TACR2: variants seen among roughly 807,000 people sequenced by gnomAD.
The protein encoded by TACR2 is substance-K receptor.
Under a neutral mutation model 28.9 loss-of-function variants are expected in TACR2, and 24 were observed. That is an observed-to-expected ratio of 0.83 (90% CI 0.60 to 1.17). TACR2 has a LOEUF of 1.17. TACR2 is among the 50% of genes most tolerant of loss of function. The pLI is 0.00. For synonymous variants in TACR2, 222 were observed against 212.6 expected, an observed-to-expected ratio of 1.04 and a Z score of -0.38; for missense variants, 487 against 524.4, an observed-to-expected ratio of 0.93 and a Z score of 0.70.
At chr10:69,406,150 G>A (rs1840500149) in intron 4 of TACR2, among the ~76,000 whole-genome samples, 1 of 152,218 alleles carries the variant, frequency 6.6e-6, no homozygotes. Context: ...ATTATGAGTA[G>A]CCTGGCTACC....
chr10:69,415,977 G>A lies in TACR2; in HGVS notation c.347C>T (p.Ala116Val), dbSNP rs1564583001. The A allele has an allele frequency of 6.2e-7, 1 of 1,614,228 alleles. No individual in the cohort carries two copies. The highest frequency in any genetic ancestry group is 1.6e-4 in the Middle Eastern group (1 of 6,062). The change falls in exon 1 of 5, where the codon GCC becomes GTC. Residue 116 changes from alanine (A) to valine (V), a missense_variant. Transcript: ENST00000373306. ...CYFQNLFPITAMFVSIYSMTA... is the reference protein window; with the variant it reads ...CYFQNLFPITVMFVSIYSMTA... ...CATGGAGTAGATGCTGACAAACATG[G>A]CTGTGATGGGGAAGAGGTTCTGGAA...
At position 69,416,243 on chromosome 10, in the gene TACR2, G is replaced by A; in HGVS notation, c.81C>T (p.Ser27=). The A allele has an allele frequency of 6.2e-7, 1 of 1,613,912 alleles. No homozygotes were observed. Among genetic ancestry groups the A allele is most frequent in the Non-Finnish European group, 8.5e-7 (1 of 1,179,862 alleles). ...ESNTTGITAF[S]MPSWQLALWA... is the part of the protein sequence containing the mutation. ...ACAGTGCCAGTTGCCAGCTGGGCATGGAGAAGGCTGTGATGCCCGTGGTGT... is the reference window on the plus strand; with the variant it reads ...ACAGTGCCAGTTGCCAGCTGGGCATAGAGAAGGCTGTGATGCCCGTGGTGT... The change falls in exon 1 of 5, where the codon TCC becomes TCT. Residue 27 remains serine (S), a synonymous_variant. Coordinates refer to ENST00000373306, the MANE Select transcript of TACR2 (RefSeq NM_001057.3).
In TACR2 at chr10:69,416,319, C is replaced by G. The variant is rs1483321863; in HGVS notation, c.5G>C (p.Gly2Ala). 6.3e-7 allele frequency: 1 copy of G among 1,583,800 alleles called. No homozygotes were observed. The highest frequency in any genetic ancestry group is 8.6e-7 in the Non-Finnish European group (1 of 1,161,242). The stretch of plus-strand genomic sequence containing the variant: ...GGCTTCAGTCACAATGTCACAGGTC[C>G]CCATGGCTGCTTCTGGGTCTGGAAC... Reference protein sequence around the residue: MGTCDIVTEANI... With the variant: MATCDIVTEANI... The change falls in exon 1 of 5, where the codon GGG becomes GCG. Residue 2 changes from glycine to alanine, a missense_variant. Gly to Ala is a moderately conservative substitution (Grantham distance 60). Transcript: ENST00000373306.
At chr10:69,411,352 G>A (rs116811933) in intron 2 of TACR2, among the ~76,000 whole-genome samples, 2,224 of 152,308 alleles carry the variant, frequency 0.015, 61 homozygotes, top group African/African-American at 0.051. Context: ...ATGCCTGGGT[G>A]TAGGCCGAGC....
rs773759681 is a variant in TACR2 at position 69,416,255 on chromosome 10, G to T, written c.69C>A (p.Ile23=). ...SSGPESNTTG[I]TAFSMPSWQL... is the part of the protein sequence containing the mutation. ...GCCAGCTGGGCATGGAGAAGGCTGT[G>T]ATGCCCGTGGTGTTGCTCTCAGGGC... Residue 23 remains isoleucine (I), a synonymous_variant, in exon 1 of 5, where the codon ATC becomes ATA. Transcript: ENST00000373306. 6.2e-7 allele frequency: 1 copy of T among 1,613,514 alleles called. No individual in the cohort carries two copies. The highest frequency in any genetic ancestry group is 1.1e-5 in the South Asian group (1 of 91,066).
intron 2 of TACR2, 131 bp downstream of exon 2, chr10:69,414,810 ACACT>A: frequency 1.1e-6 from 1 of 910,238 alleles, no homozygotes; most frequent in Non-Finnish European, 1.6e-6. Flanking sequence ...AATCCCGTGT[ACACT>A]CACTCATGTG....
At chr10:69,411,471 G>GACT (rs908074061) in intron 2 of TACR2, among the ~76,000 whole-genome samples, 1 of 152,074 alleles carries the variant, frequency 6.6e-6, no homozygotes, top group Non-Finnish European at 1.5e-5. Context: ...GCCTTTCCAG[G>GACT]ACTAACAACT....
Position 69,408,919 on chromosome 10 carries a change from C to T in TACR2, c.741+3G>A, listed in dbSNP as rs763485653. On this transcript the variant is annotated splice_donor_region_variant and intron_variant, in intron 3 of 4. Coordinates refer to ENST00000373306, the MANE Select transcript of TACR2 (RefSeq NM_001057.3). ...CCCTCCAGGCCCCCGCCCCCGCGCC[C>T]ACCTTCTTCATGGCCTGCAGGTGGC... 8.5e-6 allele frequency: 12 copies of T among 1,405,128 alleles called. No individual in the cohort carries two copies. The highest frequency in any genetic ancestry group is 1.1e-5 in the Non-Finnish European group (12 of 1,073,820). 87.0% of individuals were successfully genotyped at this position (1,405,128 alleles called of 1,614,324 possible).
chr10:69,415,288 T>C (rs1840604073), intron 1 of TACR2, 149 bp from the exon 2 acceptor site: 1 of 883,760 alleles, frequency 1.1e-6, no homozygotes, highest in Non-Finnish European at 1.7e-6. Context: ...TCAGCCGACC[T>C]GCAGAGAGCC....
intron 2 of TACR2, among the ~76,000 whole-genome samples, chr10:69,413,928 G>T (rs1161422360): frequency 6.6e-6 from 1 of 152,150 alleles, no homozygotes; most frequent in Non-Finnish European, 1.5e-5. Context: ...ACAGAGCGAG[G>T]TACTATTATG....
Position 69,414,963 on chromosome 10 carries a change from C to G in TACR2, c.569G>C (p.Gly190Ala). The G allele has an allele frequency of 6.2e-7, 1 of 1,612,542 alleles. No individual in the cohort carries two copies. Among genetic ancestry groups the G allele is most frequent in the Non-Finnish European group, 8.5e-7 (1 of 1,179,132 alleles). ...GCCTTACAGGAGGAGCGTCTTGCCC[C>G]CGCTGTCTTCGGGCCAGGCCACCAC... ...KCVVAWPEDS[G>A]GKTLLLYHLV... Residue 190 changes from glycine to alanine, a missense_variant, in exon 2 of 5, where the codon GGG becomes GCG. By Grantham distance (60) the Gly-to-Ala change is moderately conservative. Coordinates refer to ENST00000373306, the MANE Select transcript of TACR2 (RefSeq NM_001057.3).
chr10:69,415,277 A>G, intron 1 of TACR2, 138 bp from the exon 2 acceptor site: 2 of 988,624 alleles, frequency 2.0e-6, no homozygotes, highest in Non-Finnish European at 1.4e-6. Flanking sequence ...ATATCATAGT[A>G]TCAGCCGACC....
intron 2 of TACR2, among the ~76,000 whole-genome samples, chr10:69,410,794 C>T (rs551622983): frequency 1.4e-3 from 211 of 152,288 alleles, no homozygotes; most frequent in Middle Eastern, 0.014. Flanking sequence ...CTCCACAAAT[C>T]GTAGGCTGTG....
At chr10:69,406,454 G>A (rs1352059170) in intron 4 of TACR2, among the ~76,000 whole-genome samples, 1 of 152,116 alleles carries the variant, frequency 6.6e-6, no homozygotes, top group Non-Finnish European at 1.5e-5. Flanking sequence ...AGGAGAGTGA[G>A]ATTCTGGCCC....
rs1369026207 is a variant in TACR2, at chr10:69,416,351, C to T, written c.-28G>A. 6.4e-7 allele frequency: 1 copy of T among 1,551,606 alleles called. No homozygotes were observed. The highest frequency in any genetic ancestry group is 1.2e-5 in the South Asian group (1 of 81,156). On this transcript the variant is annotated 5_prime_UTR_variant, in exon 1 of 5. Transcript: ENST00000373306. ...CTGCTTCTGGGTCTGGAACAAAGGA[C>T]CTGGCTCCTCGGCTCCTCTCGGATT...
In TACR2 at chr10:69,408,000, T is replaced by G. The variant is rs146655605; in HGVS notation, c.742-720A>C. On this transcript the variant is annotated intron_variant, in intron 3 of 4. Transcript: ENST00000373306. ...GAACCACCCTGTGAAAGATGCCTAC[T>G]TTTGGGTGAGAAGCATGGCTTTGAC... 3.9e-3 allele frequency among the ~76,000 whole-genome samples: 599 copies of G among 152,296 alleles called. 3 individuals carry two copies. The highest frequency in any genetic ancestry group is 0.014 in the African/African-American group (572 of 41,544).
intron 1 of TACR2, 87 bp from the exon 2 acceptor site, chr10:69,415,226 C>T: frequency 1.4e-6 from 2 of 1,427,330 alleles, no homozygotes; most frequent in Non-Finnish European, 1.9e-6. Context: ...CAACCCAGGC[C>T]CACGCCTTCT....
intron 2 of TACR2, among the ~76,000 whole-genome samples, chr10:69,409,865 G>GTGTATATATATATATACATATATACATA (rs1840546169): frequency 1.7e-5 from 2 of 118,972 alleles, no homozygotes; most frequent in Admixed American, 1.9e-4. Flanking sequence ...ATATGTATAT[G>GTGTATATATATATATACATATATACATA]TATATATATA....
intron 2 of TACR2, among the ~76,000 whole-genome samples, chr10:69,411,305 C>G (rs912319557): frequency 1.3e-5 from 2 of 152,228 alleles, no homozygotes; most frequent in Non-Finnish European, 2.9e-5. Flanking sequence ...ACCTAACCAA[C>G]TCTATCTTGC....
Sources: gnomAD v4.1 joint callset for allele counts (sites outside exome capture counted in the v4.1 genomes callset) on GRCh38, gnomAD v4.1.1 for gene constraint, MANE v1.5 for transcripts, NCBI Gene and HGNC (gene_info 2026-07-23, HGNC 2026-07-21) for gene names.